STK38L: variants seen among roughly 807,000 people sequenced by gnomAD.
STK38L encodes serine/threonine-protein kinase 38-like.
In STK38L, 28 loss-of-function variants were observed where a neutral mutation model predicts 59.7. The ratio of observed to expected loss-of-function variants is 0.47; its 90% CI spans 0.35 to 0.64. The LOEUF is 0.64. Among genes scored for constraint, STK38L ranks in the 30% least tolerant of loss-of-function variants. The pLI is 0.01. For synonymous variants in STK38L, 162 were observed against 176.8 expected (o/e 0.92, Z 0.66); for missense variants, 314 against 555.8 (o/e 0.56, Z 4.37).
In STK38L at chr12:27,324,059, A is replaced by C. The variant is rs540046948; in HGVS notation, c.*1604A>C. 3.9e-5 allele frequency: 6 copies of C among 152,236 alleles called. No homozygotes were observed. In the South Asian group the frequency reaches 6.2e-4, roughly 16 times the overall value. 9.4% of individuals were successfully genotyped at this position (152,236 alleles called of 1,614,324 possible). On this transcript the variant is annotated 3_prime_UTR_variant, in exon 14 of 14. Coordinates refer to ENST00000389032, the MANE Select transcript of STK38L (RefSeq NM_015000.4). The stretch of plus-strand genomic sequence containing the variant: ...ATAGGAGCATTATGCAAATCTACAC[A>C]AGCTTTTATAAATGTTGCTGCTGGG...
chr12:27,314,566 A>C lies in STK38L; in HGVS notation c.580A>C (p.Ile194Leu). Residue 194 changes from isoleucine to leucine, a missense_variant, in exon 7 of 14, where the codon ATT becomes CTT. Coordinates refer to ENST00000389032, the MANE Select transcript of STK38L (RefSeq NM_015000.4). ...TLTEEETQFYISETVLAIDAI... is the reference protein window; with the variant it reads ...TLTEEETQFYLSETVLAIDAI... The stretch of plus-strand genomic sequence containing the variant: ...GACAGAAGAGGAAACACAGTTCTAC[A>C]TTTCAGAGACTGTTCTGGCAATAGA... 6.2e-7 allele frequency: 1 copy of C among 1,609,388 alleles called. No homozygotes were observed. The highest frequency in any genetic ancestry group is 8.5e-7 in the Non-Finnish European group (1 of 1,177,878).
chr12:27,298,660 T>G (rs1441175438), intron 2 of STK38L, among the ~76,000 whole-genome samples: 2 of 152,134 alleles, frequency 1.3e-5, no homozygotes, highest in Non-Finnish European at 2.9e-5. Flanking sequence ...CTGGGAAAGC[T>G]TTGTAAATAG....
At chr12:27,313,722 A>C (rs1944515446) in intron 6 of STK38L, among the ~76,000 whole-genome samples, 1 of 152,122 alleles carries the variant, frequency 6.6e-6, no homozygotes, top group Non-Finnish European at 1.5e-5. Context: ...TATGAAAAAA[A>C]TGTAATCAGT....
At chr12:27,244,602 C>T (rs1430029278) in intron 1 of STK38L, among the ~76,000 whole-genome samples, 1 of 152,174 alleles carries the variant, frequency 6.6e-6, no homozygotes, top group Non-Finnish European at 1.5e-5. Context: ...CTTCCACTCC[C>T]CGGCCCCCGA....
chr12:27,266,728 G>T (rs1943309096), intron 1 of STK38L, among the ~76,000 whole-genome samples: 1 of 152,142 alleles, frequency 6.6e-6, no homozygotes, highest in African/African-American at 2.4e-5. Flanking sequence ...CATTCCTGGG[G>T]GCAATATTCA....
chr12:27,253,959 C>T (rs1402919046), intron 1 of STK38L, among the ~76,000 whole-genome samples: 1 of 152,208 alleles, frequency 6.6e-6, no homozygotes, highest in Non-Finnish European at 1.5e-5. Flanking sequence ...TTCTGTGCTT[C>T]TCACTCCCAA....
chr12:27,304,819 G>GT (rs982566771), intron 3 of STK38L, among the ~76,000 whole-genome samples: 5 of 151,942 alleles, frequency 3.3e-5, no homozygotes, highest in African/African-American at 1.2e-4. Context: ...GGCCAGGTTG[G>GT]TTTCATAGTG....
Position 27,308,523 on chromosome 12 carries a change from T to C in STK38L, c.309+62T>C. 7.1e-7 allele frequency: 1 copy of C among 1,400,606 alleles called. No homozygotes were observed. Among genetic ancestry groups the C allele is most frequent in the Non-Finnish European group, 9.4e-7 (1 of 1,063,696 alleles). 86.8% of individuals were successfully genotyped at this position (1,400,606 alleles called of 1,614,324 possible). A position where few individuals can be genotyped will look rare whatever the true frequency, so the allele number is the denominator to read the frequency against. ...ATATATCTTAAGATAATTTAAAATA[T>C]GTGTTAAAATATAATTCCTGGCTGG... On this transcript the variant is annotated intron_variant, in intron 4 of 13. Transcript: ENST00000389032. This position sits in a 1 kb window ranked among gnomAD's most constrained non-coding sequence, Gnocchi z 4.5.
chr12:27,257,863 G>A, intron 1 of STK38L, among the ~76,000 whole-genome samples: 1 of 143,570 alleles, frequency 7.0e-6, no homozygotes, highest in Middle Eastern at 3.5e-3. Context: ...TTTATGTCAA[G>A]CTTTTTTTTT....
chr12:27,247,596 A>T (rs1942881763), intron 1 of STK38L, among the ~76,000 whole-genome samples: 1 of 152,214 alleles, frequency 6.6e-6, no homozygotes, highest in Admixed American at 6.5e-5. Context: ...ATAAGTACTC[A>T]TAAGAACTTA....
chr12:27,273,412 T>C (rs1319722462), intron 1 of STK38L, among the ~76,000 whole-genome samples: 1 of 151,992 alleles, frequency 6.6e-6, no homozygotes, highest in Non-Finnish European at 1.5e-5. Context: ...TTGTTTTGGT[T>C]TTATAACATT....
At chr12:27,288,471 G>A (rs1240218740) in intron 1 of STK38L, among the ~76,000 whole-genome samples, 2 of 151,996 alleles carry the variant, frequency 1.3e-5, no homozygotes, top group Non-Finnish European at 2.9e-5. Flanking sequence ...CAAAGGGAAG[G>A]ATAGATCCTT....
intron 1 of STK38L, 43 bp from the exon 2 acceptor site, chr12:27,297,667 T>C: frequency 6.4e-7 from 1 of 1,553,174 alleles, no homozygotes; most frequent in Non-Finnish European, 8.7e-7. Flanking sequence ...AAGATAGGGG[T>C]TTTTTTTCCC....
chr12:27,261,130 G>A (rs1943196053), intron 1 of STK38L, among the ~76,000 whole-genome samples: 1 of 152,106 alleles, frequency 6.6e-6, no homozygotes, highest in African/African-American at 2.4e-5. Context: ...TTTCTTCCCA[G>A]TGGTCACATT....
At chr12:27,260,031 AAG>A (rs1361970457) in intron 1 of STK38L, among the ~76,000 whole-genome samples, 1 of 152,222 alleles carries the variant, frequency 6.6e-6, no homozygotes, top group Admixed American at 6.5e-5. Flanking sequence ...GACTAGAAGA[AAG>A]AGGATAGGAG....
intron 1 of STK38L, among the ~76,000 whole-genome samples, chr12:27,270,617 A>G (rs1591868305): frequency 1.3e-5 from 2 of 152,078 alleles, no homozygotes; most frequent in South Asian, 2.1e-4. Context: ...ACCTCAAGTA[A>G]TCCACCTGCC....
rs1167171481 is a variant in STK38L at position 27,317,249 on chromosome 12, A to G, written c.838-87A>G. On this transcript the variant is annotated intron_variant, in intron 9 of 13. Transcript: ENST00000389032. ...ACAAGTGAAAATTTAACTCCTCTAT[A>G]TATTGCTTTTTCCAGTAGTAAGCCA... 3.4e-6 allele frequency: 3 copies of G among 891,686 alleles called. No homozygotes were observed. The African/African-American group carries it at 5.0e-5, about 15-fold the overall frequency. The allele number at this position is 891,686 out of a possible 1,614,324, so 55.2% of individuals were successfully genotyped here. A position where few individuals can be genotyped will look rare whatever the true frequency, so the allele number is the denominator to read the frequency against.
chr12:27,275,814 A>G (rs903649695), intron 1 of STK38L, among the ~76,000 whole-genome samples: 9 of 152,204 alleles, frequency 5.9e-5, no homozygotes, highest in East Asian at 1.9e-4. Context: ...AACATTTGCA[A>G]TTCTTACTAT....
rs1312522269 is a variant in STK38L, at chr12:27,317,365, C to T, written c.867C>T (p.Tyr289=). Residue 289 remains tyrosine, a synonymous_variant, in exon 10 of 14, where the codon TAC becomes TAT. Coordinates refer to ENST00000389032, the MANE Select transcript of STK38L (RefSeq NM_015000.4). ...LAYSTVGTPD[Y]IAPEVFMQTG... Reference sequence around the variant, plus strand: ...ATTCCACAGTTGGGACACCAGATTACATTGCTCCAGAAGTATTCATGCAGA... The same window carrying T: ...ATTCCACAGTTGGGACACCAGATTATATTGCTCCAGAAGTATTCATGCAGA... The T allele has an allele frequency of 1.9e-6, 3 of 1,612,392 alleles. No individual in the cohort carries two copies. Among genetic ancestry groups the T allele is most frequent in the Non-Finnish European group, 8.5e-7 (1 of 1,179,598 alleles).
Sources: gnomAD v4.1 joint callset for allele counts (sites outside exome capture counted in the v4.1 genomes callset) on GRCh38, gnomAD v4.1.1 for gene constraint, Gnocchi (gnomAD v3.1) non-coding constraint, MANE v1.5 for transcripts, NCBI Gene and HGNC (gene_info 2026-07-23, HGNC 2026-07-21) for gene names.